Variants in CNTNAP2 observed in about 807,000 individuals in gnomAD.
CNTNAP2 encodes the protein contactin associated protein 2.
CNTNAP2 carries 98 observed loss-of-function variants against 155.2 expected under a neutral mutation model. The observed-to-expected ratio is 0.63, with a 90% confidence interval of 0.54 to 0.75. CNTNAP2 has a LOEUF of 0.75. Ranked by LOEUF, CNTNAP2 falls within the 30% of genes least tolerant of loss-of-function variation. The pLI, the probability that CNTNAP2 is intolerant of heterozygous loss-of-function variation, is 0.00. For synonymous variants in CNTNAP2, 651 were observed against 631.2 expected (o/e 1.03, Z -0.47); for missense variants, 1,727 against 1,688.1 (o/e 1.02, Z -0.40).
At chr7:148,108,847 C>T (rs375353795) in intron 15 of CNTNAP2, among the ~76,000 whole-genome samples, 1 of 152,162 alleles carries the variant, frequency 6.6e-6, no homozygotes, top group African/African-American at 2.4e-5. Context: ...TCTTATCCCC[C>T]AAAATGTTAA....
intron 21 of CNTNAP2, among the ~76,000 whole-genome samples, chr7:148,369,181 CTTTTTTTTTTTTT>C (rs376460265): frequency 8.1e-4 from 75 of 92,346 alleles, no homozygotes; most frequent in African/African-American, 3.1e-3. Context: ...AATTGAATCC[CTTTTTTTTTTTTT>C]TTTTTTTTTT....
intron 12 of CNTNAP2, among the ~76,000 whole-genome samples, chr7:147,596,156 C>G (rs1483653296): frequency 6.6e-6 from 1 of 152,108 alleles, no homozygotes; most frequent in Non-Finnish European, 1.5e-5. Flanking sequence ...GATCCCTCCA[C>G]CAGGAAAATG....
At chr7:147,245,839 T>G (rs1484188680) in intron 8 of CNTNAP2, among the ~76,000 whole-genome samples, 1 of 150,422 alleles carries the variant, frequency 6.6e-6, no homozygotes, top group Admixed American at 6.6e-5. Flanking sequence ...CAAATTTTGG[T>G]CATTGTTTGC....
intron 21 of CNTNAP2, among the ~76,000 whole-genome samples, chr7:148,334,289 G>C (rs1182281070): frequency 6.6e-6 from 1 of 152,122 alleles, no homozygotes; most frequent in African/African-American, 2.4e-5. Context: ...TTCACTCAAG[G>C]GAGGACAGAG....
chr7:146,448,757 A>G (rs1225797383), intron 1 of CNTNAP2, among the ~76,000 whole-genome samples: 1 of 152,102 alleles, frequency 6.6e-6, no homozygotes, highest in Non-Finnish European at 1.5e-5. Context: ...TGCAATTGGA[A>G]TATAGAACTA....
intron 2 of CNTNAP2, among the ~76,000 whole-genome samples, chr7:146,839,266 A>G (rs1162686607): frequency 6.6e-6 from 1 of 152,096 alleles, no homozygotes; most frequent in African/African-American, 2.4e-5. Flanking sequence ...TTTACTTCAC[A>G]AGAAAAATAT....
At chr7:148,223,134 G>A (rs1795782459) in intron 19 of CNTNAP2, among the ~76,000 whole-genome samples, 1 of 152,082 alleles carries the variant, frequency 6.6e-6, no homozygotes, top group Non-Finnish European at 1.5e-5. Context: ...CTGACTTTAT[G>A]CCTGCAATAC....
chr7:146,866,802 A>G (rs1795214024), intron 3 of CNTNAP2, among the ~76,000 whole-genome samples: 1 of 152,164 alleles, frequency 6.6e-6, no homozygotes, highest in Non-Finnish European at 1.5e-5. Flanking sequence ...TATTTCTGCA[A>G]TCAATTACAG....
chr7:146,368,423 C>T (rs147477203), intron 1 of CNTNAP2, among the ~76,000 whole-genome samples: 78 of 152,134 alleles, frequency 5.1e-4, no homozygotes, highest in African/African-American at 1.8e-3. Flanking sequence ...TGGTATTGTA[C>T]GGTACGGTGT....
chr7:146,869,106 GA>G (rs1795258919), intron 3 of CNTNAP2, among the ~76,000 whole-genome samples: 1 of 152,144 alleles, frequency 6.6e-6, no homozygotes, highest in Non-Finnish European at 1.5e-5. Context: ...TTTTCAAGGG[GA>G]ATGCTTCCAG....
chr7:147,859,267 T>C (rs1770515700), intron 13 of CNTNAP2, among the ~76,000 whole-genome samples: 3 of 152,142 alleles, frequency 2.0e-5, no homozygotes, highest in African/African-American at 7.2e-5. Flanking sequence ...AGAAATATCA[T>C]ATCTGCCAAG....
intron 9 of CNTNAP2, among the ~76,000 whole-genome samples, chr7:147,379,153 A>T: frequency 6.6e-6 from 1 of 152,216 alleles, no homozygotes; most frequent in East Asian, 1.9e-4. Context: ...GCACTGCAGA[A>T]CAGTGAGTCA....
intron 3 of CNTNAP2, among the ~76,000 whole-genome samples, chr7:146,930,678 A>C (rs888282678): frequency 4.7e-4 from 72 of 152,318 alleles, no homozygotes; most frequent in African/African-American, 1.3e-3. Context: ...AGTGTGCTGT[A>C]TTCAGGAAAC....
intron 4 of CNTNAP2, among the ~76,000 whole-genome samples, chr7:147,065,443 A>C (rs1488901421): frequency 6.6e-6 from 1 of 152,202 alleles, no homozygotes; most frequent in African/African-American, 2.4e-5. Context: ...GGGGCAGTGT[A>C]ATTCTTAAGT....
intron 3 of CNTNAP2, among the ~76,000 whole-genome samples, chr7:147,008,479 A>G (rs902589171): frequency 1.3e-5 from 2 of 152,074 alleles, no homozygotes; most frequent in Admixed American, 1.3e-4. Context: ...TTTTTCCTCT[A>G]TTCATATTAG....
chr7:148,260,771 C>T (rs1338451996), intron 20 of CNTNAP2, among the ~76,000 whole-genome samples: 8 of 152,162 alleles, frequency 5.3e-5, no homozygotes, highest in African/African-American at 1.9e-4. Flanking sequence ...CTGACAGTCT[C>T]CAGCTGGGCC....
At chr7:147,295,704 A>G (rs1015481126) in intron 8 of CNTNAP2, among the ~76,000 whole-genome samples, 2 of 152,198 alleles carry the variant, frequency 1.3e-5, no homozygotes, top group African/African-American at 4.8e-5. Context: ...ACATTTTTCT[A>G]TAAGAAATTG....
At chr7:146,505,939 A>T (rs1194090326) in intron 1 of CNTNAP2, among the ~76,000 whole-genome samples, 1 of 152,230 alleles carries the variant, frequency 6.6e-6, no homozygotes, top group African/African-American at 2.4e-5. Context: ...GAGGTGGAGT[A>T]ACATGCAAAT....
chr7:146,272,892 A>G (rs567429299), intron 1 of CNTNAP2, among the ~76,000 whole-genome samples: 2 of 152,206 alleles, frequency 1.3e-5, no homozygotes, highest in Non-Finnish European at 2.9e-5. Flanking sequence ...CTGCGTAAAC[A>G]TTAATGAGAA....
Sources: gnomAD v4.1 joint callset for allele counts (sites outside exome capture counted in the v4.1 genomes callset) on GRCh38, gnomAD v4.1.1 for gene constraint, MANE v1.5 for transcripts, NCBI Gene and HGNC (gene_info 2026-07-23, HGNC 2026-07-21) for gene names.